Variants in KANK2 observed in about 807,000 individuals in gnomAD.
KANK2 encodes KN motif and ankyrin repeat domain-containing protein 2.
A neutral mutation model predicts 74.6 loss-of-function variants in KANK2; 41 were observed. The ratio of observed to expected loss-of-function variants is 0.55; its 90% CI spans 0.43 to 0.71. The LOEUF (loss-of-function observed/expected upper bound fraction) is 0.71. Ranked by LOEUF, KANK2 falls within the 30% of genes least tolerant of loss-of-function variation. KANK2 has a pLI of 0.00. For synonymous variants in KANK2, 537 were observed against 519.0 expected, an observed-to-expected ratio of 1.03 and a Z score of -0.47; for missense variants, 1,148 against 1,196.4, an observed-to-expected ratio of 0.96 and a Z score of 0.60.
intron 4 of KANK2, among the ~76,000 whole-genome samples, chr19:11,180,121 G>C (rs1349000411): frequency 6.6e-6 from 1 of 152,132 alleles, no homozygotes; most frequent in East Asian, 1.9e-4. Flanking sequence ...CAAAGTGCTG[G>C]GATTACCTCC....
intron 4 of KANK2, among the ~76,000 whole-genome samples, chr19:11,187,857 G>A (rs547297023): frequency 6.6e-6 from 1 of 152,260 alleles, no homozygotes; most frequent in Admixed American, 6.5e-5. Context: ...GGAGGCCGAC[G>A]TGGAAGGATC....
intron 4 of KANK2, among the ~76,000 whole-genome samples, chr19:11,190,650 G>T (rs746899518): frequency 2.0e-5 from 3 of 152,186 alleles, no homozygotes; most frequent in Admixed American, 2.0e-4. Context: ...GGCTAGAGAG[G>T]TGATGTTGCT....
intron 4 of KANK2, among the ~76,000 whole-genome samples, chr19:11,183,008 A>G (rs36104620): frequency 0.067 from 10,139 of 152,194 alleles, 387 homozygotes; most frequent in Admixed American, 0.09. Context: ...ACAAGAAGTA[A>G]TAATAAAATT....
intron 4 of KANK2, among the ~76,000 whole-genome samples, chr19:11,184,420 T>C (rs1272009650): frequency 6.7e-6 from 1 of 149,964 alleles, no homozygotes; most frequent in African/African-American, 2.5e-5. Context: ...GAGATCCTCA[T>C]GGGTGCGGTG....
At position 11,174,627 on chromosome 19, in the gene KANK2, G is replaced by A. The variant is rs145788005; in HGVS notation, c.1914C>T (p.Pro638=). The A allele has an allele frequency of 4.0e-5, 65 of 1,612,258 alleles. No homozygotes were observed. In the African/African-American group the frequency reaches 4.1e-4, roughly 10 times the overall value. Residue 638 remains proline (P), a synonymous_variant, in exon 9 of 13, where the codon CCC becomes CCT. Transcript: ENST00000586659. ...TGACCAGGTGCCGCCGCACCAGCTC[G>A]GGGTGTGCGTCGCTGCGGCAGGCCA... ...LRLACRSDAH[P]ELVRRHLVTF... is the part of the protein sequence containing the mutation.
chr19:11,187,108 T>C (rs2147552610), intron 4 of KANK2, among the ~76,000 whole-genome samples: 1 of 150,952 alleles, frequency 6.6e-6, no homozygotes, highest in Middle Eastern at 3.4e-3. Flanking sequence ...ATACAAAAAT[T>C]AGCCAGGCGT....
Position 11,181,036 on chromosome 19 carries a change from G to C in KANK2, c.1250-2316C>G, listed in dbSNP as rs186247634. ...CGGAAGGCGGAGGTTGCAGTGAGCC[G>C]AGATCATGCCACTGCACTCCAGCCT... On this transcript the variant is annotated intron_variant, in intron 4 of 12. Transcript: ENST00000586659. Among the ~76,000 whole-genome samples, 440 of 129,704 alleles carry C rather than the reference G, an allele frequency of 3.4e-3. 2 individuals are homozygous for C. Among genetic ancestry groups the C allele is most frequent in the African/African-American group, 0.013 (429 of 33,674 alleles). The allele number at this position is 129,704 out of a possible 152,430, so 85.1% of individuals were successfully genotyped here.
chr19:11,180,441 A>T (rs1309819535), intron 4 of KANK2, among the ~76,000 whole-genome samples: 2 of 151,942 alleles, frequency 1.3e-5, no homozygotes, highest in Admixed American at 1.3e-4. Flanking sequence ...TGAGGCCCAC[A>T]GGCAATATTC....
rs183970250 is a variant in KANK2, at chr19:11,171,963, C to T, written c.2211+1018G>A. On this transcript the variant is annotated intron_variant, in intron 10 of 12. Coordinates refer to ENST00000586659, the MANE Select transcript of KANK2 (RefSeq NM_001136191.3). ...TGCTGGGATTACAGGCATGAGCCAC[C>T]GCACCCGGCTAATTTTTTTTTTTTT... 5.5e-3 allele frequency among the ~76,000 whole-genome samples: 810 copies of T among 147,576 alleles called. 2 individuals carry two copies. The highest frequency in any genetic ancestry group is 9.6e-3 in the Non-Finnish European group (645 of 67,046).
At chr19:11,194,950 C>G (rs8102112) in intron 2 of KANK2, 166,012 of 166,674 alleles carry the variant, frequency 1, 82,677 homozygotes, top group Middle Eastern at 1. Flanking sequence ...GCTGGCCACA[C>G]GGAAGGATGG....
At chr19:11,196,242 G>C (rs1376379345) in intron 1 of KANK2, 3 of 152,248 alleles carry the variant, frequency 2.0e-5, no homozygotes, top group East Asian at 1.9e-4. Context: ...ATTTTTAGTA[G>C]AGATGGTGTT....
intron 4 of KANK2, among the ~76,000 whole-genome samples, chr19:11,184,151 C>A (rs558341784): frequency 6.6e-6 from 1 of 152,088 alleles, no homozygotes; most frequent in South Asian, 2.1e-4. Flanking sequence ...CCAAGGTGGG[C>A]GGATCACTTG....
chr19:11,178,281 G>C, intron 6 of KANK2, 64 bp downstream of exon 6: 1 of 1,167,466 alleles, frequency 8.6e-7, no homozygotes. Context: ...GGAGGCTCTC[G>C]TGCGTGGATG....
rs758319571 is a variant in KANK2, at chr19:11,176,830, G to A, written c.1521-13C>T. Reference sequence around the variant, plus strand: ...TGACGACTCATACCTGGGGAGGAACGAGCGGGGAGGGGGAGATGCTGCAGG... The same window carrying A: ...TGACGACTCATACCTGGGGAGGAACAAGCGGGGAGGGGGAGATGCTGCAGG... On this transcript the variant is annotated splice_polypyrimidine_tract_variant and intron_variant, in intron 6 of 12. Coordinates refer to ENST00000586659, the MANE Select transcript of KANK2 (RefSeq NM_001136191.3). 1.1e-5 allele frequency: 17 copies of A among 1,498,852 alleles called. No homozygotes were observed. The highest frequency in any genetic ancestry group is 9.6e-5 in the South Asian group (7 of 72,742). 92.8% of individuals were successfully genotyped at this position (1,498,852 alleles called of 1,614,324 possible). A position where few individuals can be genotyped will look rare whatever the true frequency, so the allele number is the denominator to read the frequency against.
At chr19:11,189,098 T>TTCC (rs111510557) in intron 4 of KANK2, among the ~76,000 whole-genome samples, 1 of 126,478 alleles carries the variant, frequency 7.9e-6, no homozygotes, top group Non-Finnish European at 1.6e-5. Flanking sequence ...ATTGATTCTC[T>TTCC]CCCCCCCCAC....
chr19:11,179,038 G>A (rs1038540914), intron 4 of KANK2, among the ~76,000 whole-genome samples: 1 of 152,144 alleles, frequency 6.6e-6, no homozygotes, highest in African/African-American at 2.4e-5. Context: ...AGGTTTGGCC[G>A]GGCACGGTGA....
chr19:11,170,337 C>A lies in KANK2; in HGVS notation c.2212-89G>T. 9.8e-7 allele frequency: 1 copy of A among 1,022,294 alleles called. No individual in the cohort carries two copies. The highest frequency in any genetic ancestry group is 1.5e-6 in the Non-Finnish European group (1 of 685,072). 63.3% of individuals were successfully genotyped at this position (1,022,294 alleles called of 1,614,324 possible). A position where few individuals can be genotyped will look rare whatever the true frequency, so the allele number is the denominator to read the frequency against. Reference sequence around the variant, plus strand: ...TAGAACCTGCTGTAGCTCCCACATACTCTGATGGTGAAATGTACCCTCAAC... The same window carrying A: ...TAGAACCTGCTGTAGCTCCCACATAATCTGATGGTGAAATGTACCCTCAAC... On this transcript the variant is annotated intron_variant, in intron 10 of 12. Transcript: ENST00000586659. The surrounding 1 kb of genome is among the most constrained non-coding windows in gnomAD (Gnocchi z 5.2).
intron 3 of KANK2, 54 bp from the exon 4 acceptor site, chr19:11,194,096 G>A: frequency 1.3e-6 from 2 of 1,526,964 alleles, no homozygotes; most frequent in Non-Finnish European, 1.8e-6. Flanking sequence ...CCATTCTCAG[G>A]GTGAAGACTG....
rs2077984463 is a variant in KANK2 at position 11,164,730 on chromosome 19, CCATCCATCCATCCATCCATCCATCCAT to C, written c.*1801_*1827del. The C allele has an allele frequency of 5.3e-5, 1 of 18,798 alleles. No individual in the cohort carries two copies. Among genetic ancestry groups the C allele is most frequent in the Admixed American group, 6.6e-4 (1 of 1,510 alleles). 1.2% of individuals were successfully genotyped at this position (18,798 alleles called of 1,614,324 possible). ...TCTATTCATCCATCCATCCATCCAT[CCATCCATCCATCCATCCATCCATCCAT>C]CCTGCTTGTCTCCTTTGACCAGCCA... On this transcript the variant is annotated 3_prime_UTR_variant, in exon 13 of 13. Coordinates refer to ENST00000586659, the MANE Select transcript of KANK2 (RefSeq NM_001136191.3).
Sources: allele counts gnomAD v4.1 joint callset (sites outside exome capture counted in the v4.1 genomes callset), GRCh38; gene constraint gnomAD v4.1.1; non-coding constraint Gnocchi (gnomAD v3.1); transcripts MANE v1.5; gene names NCBI Gene and HGNC (gene_info 2026-07-23, HGNC 2026-07-21).